ATP9B: variants seen among roughly 807,000 people sequenced by gnomAD.
The protein encoded by ATP9B is ATPase phospholipid transporting 9B, also known as probable phospholipid-transporting ATPase IIB.
Under a neutral mutation model 146.1 loss-of-function variants are expected in ATP9B, and 110 were observed. The ratio of observed to expected loss-of-function variants is 0.75; its 90% confidence interval spans 0.65 to 0.88. ATP9B has a LOEUF of 0.88. Ranked by LOEUF, ATP9B falls within the 40% of genes least tolerant of loss-of-function variation. The probability of loss-of-function intolerance (pLI) is 0.00; values close to 1 mark genes in which losing one functional copy is unlikely to be tolerated. For missense variants in ATP9B, 1,499 were observed against 1,496.4 expected, an observed-to-expected ratio of 1.00 and a Z score of -0.03; for synonymous variants, 604 against 569.7, an observed-to-expected ratio of 1.06 and a Z score of -0.86.
chr18:79,127,387 C>T (rs2094304851), intron 5 of ATP9B, among the ~76,000 whole-genome samples: 1 of 151,976 alleles, frequency 6.6e-6, no homozygotes, highest in Non-Finnish European at 1.5e-5. Context: ...TACCCCAGCT[C>T]CAGGCAGCCG....
chr18:79,276,907 T>C, intron 12 of ATP9B, 147 bp from the exon 13 acceptor site: 1 of 1,249,996 alleles, frequency 8.0e-7, no homozygotes, highest in East Asian at 2.3e-5. Flanking sequence ...ACCACTGCAG[T>C]GGGTTTTATC....
intron 3 of ATP9B, among the ~76,000 whole-genome samples, chr18:79,112,133 C>A (rs1026590909): frequency 6.6e-6 from 1 of 152,092 alleles, no homozygotes; most frequent in African/African-American, 2.4e-5. Flanking sequence ...TGCAGATAAC[C>A]TCATTTTCTG....
At chr18:79,164,668 G>A (rs2094938238) in intron 7 of ATP9B, among the ~76,000 whole-genome samples, 1 of 152,138 alleles carries the variant, frequency 6.6e-6, no homozygotes, top group African/African-American at 2.4e-5. Context: ...GCAGTGAGCT[G>A]AGATCGCGCC....
At chr18:79,291,322 A>G (rs763775641) in intron 13 of ATP9B, among the ~76,000 whole-genome samples, 1 of 152,082 alleles carries the variant, frequency 6.6e-6, no homozygotes, top group Non-Finnish European at 1.5e-5. Context: ...AAAGCTTCCA[A>G]TTTGGGGGCA....
At chr18:79,073,653 A>G (rs1395400058) in intron 1 of ATP9B, among the ~76,000 whole-genome samples, 1 of 151,958 alleles carries the variant, frequency 6.6e-6, no homozygotes. Context: ...GAGACCGTGG[A>G]AAGCGGGAGA....
intron 8 of ATP9B, among the ~76,000 whole-genome samples, chr18:79,189,974 G>A (rs1034032751): frequency 2.0e-5 from 3 of 152,214 alleles, no homozygotes; most frequent in Non-Finnish European, 4.4e-5. Context: ...TCCTGGAGCG[G>A]AGACGGCTCA....
intron 7 of ATP9B, among the ~76,000 whole-genome samples, chr18:79,167,902 GT>G (rs1258591478): frequency 9.9e-6 from 1 of 100,590 alleles, no homozygotes; most frequent in Non-Finnish European, 1.9e-5. Flanking sequence ...TTCCCAGGCT[GT>G]TTGTCCCAAG....
rs145230445 is a variant in ATP9B at position 79,137,154 on chromosome 18, G to T, written c.668-6648G>T. ...TTTTGTGTCTGGAAGTTTGATTTGG[G>T]TCTTTTTTGTATCCTTCATGTCTCT... On this transcript the variant is annotated intron_variant, in intron 5 of 29. Coordinates refer to ENST00000426216, the MANE Select transcript of ATP9B (RefSeq NM_198531.5). Among the ~76,000 whole-genome samples, 105 of 152,198 alleles carry T rather than the reference G, an allele frequency of 6.9e-4. 2 individuals are homozygous for T. In the South Asian group the frequency reaches 0.021, roughly 31 times the overall value.
chr18:79,248,245 A>T (rs1015454453), intron 11 of ATP9B, among the ~76,000 whole-genome samples: 6 of 152,292 alleles, frequency 3.9e-5, no homozygotes, highest in African/African-American at 1.4e-4. Context: ...CTTTTTAAAA[A>T]CTAATACTTT....
At position 79,243,265 on chromosome 18, in the gene ATP9B, A is replaced by C. The variant is rs73973024; in HGVS notation, c.1108-10116A>C. Among the ~76,000 whole-genome samples, 760 of 152,340 alleles carry C rather than the reference A, an allele frequency of 5.0e-3. 11 individuals are homozygous for C. The highest frequency in any genetic ancestry group is 0.017 in the African/African-American group (689 of 41,584). On this transcript the variant is annotated intron_variant, in intron 11 of 29. Coordinates refer to ENST00000426216, the MANE Select transcript of ATP9B (RefSeq NM_198531.5). ...TGAGGTGTTTCAGACATTGGTCAGC[A>C]TTTTATATATCCTCATGTTTTTAAT...
intron 28 of ATP9B, 23 bp from the exon 29 acceptor site, chr18:79,375,371 T>G: frequency 6.3e-7 from 1 of 1,597,488 alleles, no homozygotes; most frequent in Non-Finnish European, 8.6e-7. Context: ...TCCTTTATTT[T>G]CTTTATTACT....
chr18:79,260,711 C>T (rs1599369282), intron 12 of ATP9B, among the ~76,000 whole-genome samples: 1 of 152,222 alleles, frequency 6.6e-6, no homozygotes, highest in African/African-American at 2.4e-5. Flanking sequence ...CTACTGGCTG[C>T]AAGCATGTGC....
At chr18:79,361,866 G>T in intron 26 of ATP9B, 1 of 922,026 alleles carries the variant, frequency 1.1e-6, no homozygotes, top group Non-Finnish European at 1.3e-6. Context: ...TCCCCAGTCC[G>T]TCGGCTCAAG....
chr18:79,330,660 G>A (rs62096817), intron 17 of ATP9B, among the ~76,000 whole-genome samples: 33,955 of 152,048 alleles, frequency 0.22, 4,615 homozygotes, highest in East Asian at 0.52. Flanking sequence ...TGATCCGCCC[G>A]TGTCGGCCTC....
At chr18:79,187,191 C>T (rs900979592) in intron 8 of ATP9B, among the ~76,000 whole-genome samples, 4 of 152,222 alleles carry the variant, frequency 2.6e-5, no homozygotes, top group Admixed American at 6.5e-5. Context: ...TATGAAATCA[C>T]TTTCTGCTAC....
intron 11 of ATP9B, among the ~76,000 whole-genome samples, chr18:79,236,912 A>G (rs1484931933): frequency 1.1e-5 from 1 of 91,038 alleles, no homozygotes; most frequent in East Asian, 4.0e-4. Flanking sequence ...CCCACTGTGT[A>G]CACAGTCCGT....
At chr18:79,271,892 C>A (rs2096259165) in intron 12 of ATP9B, among the ~76,000 whole-genome samples, 1 of 152,142 alleles carries the variant, frequency 6.6e-6, no homozygotes, top group African/African-American at 2.4e-5. Flanking sequence ...ACATCCTCTC[C>A]AGCACCTGTT....
intron 2 of ATP9B, among the ~76,000 whole-genome samples, chr18:79,101,254 T>C (rs2075261533): frequency 6.6e-6 from 1 of 152,102 alleles, no homozygotes; most frequent in South Asian, 2.1e-4. Flanking sequence ...AAACCACTCA[T>C]CAGTTCTGCA....
chr18:79,290,462 G>A (rs989473160), intron 13 of ATP9B, among the ~76,000 whole-genome samples: 6 of 152,196 alleles, frequency 3.9e-5, no homozygotes, highest in Middle Eastern at 3.4e-3. Flanking sequence ...TTTTAAGCCC[G>A]TCAGAAAAGT....
Sources: allele counts gnomAD v4.1 joint callset (sites outside exome capture counted in the v4.1 genomes callset), GRCh38; gene constraint gnomAD v4.1.1; transcripts MANE v1.5; gene names NCBI Gene and HGNC (gene_info 2026-07-23, HGNC 2026-07-21).